The following GRM1 variants were observed in gnomAD, a reference collection of about 807,000 sequenced individuals.
The protein encoded by GRM1 is glutamate metabotropic receptor 1.
In GRM1, 33 loss-of-function variants were observed where a neutral mutation model predicts 90.9. The ratio of observed to expected loss-of-function variants is 0.36; its 90% CI spans 0.28 to 0.49. The LOEUF (loss-of-function observed/expected upper bound fraction) is 0.49, where lower values mean the gene tolerates loss of function less well. Ranked by LOEUF, GRM1 falls within the 20% of genes least tolerant of loss-of-function variation. The probability of loss-of-function intolerance (pLI) is 0.99; values close to 1 mark genes in which losing one functional copy is unlikely to be tolerated. For missense variants in GRM1, 1,190 were observed against 1,534.3 expected, an observed-to-expected ratio of 0.78 and a Z score of 3.75; for synonymous variants, 700 against 613.2, an observed-to-expected ratio of 1.14 and a Z score of -2.09.
chr6:146,378,698 G>A (rs1265376691), intron 5 of GRM1, among the ~76,000 whole-genome samples: 1 of 152,128 alleles, frequency 6.6e-6, no homozygotes, highest in Non-Finnish European at 1.5e-5. Flanking sequence ...TGTCTCAGAT[G>A]AGACTTTGGA....
chr6:146,400,598 A>T (rs1777123608), intron 7 of GRM1, among the ~76,000 whole-genome samples: 1 of 152,138 alleles, frequency 6.6e-6, no homozygotes, highest in African/African-American at 2.4e-5. Flanking sequence ...AGCATATGTT[A>T]AATTTGCATA....
intron 7 of GRM1, among the ~76,000 whole-genome samples, chr6:146,401,564 A>G (rs1447769729): frequency 6.6e-6 from 1 of 152,200 alleles, no homozygotes; most frequent in Non-Finnish European, 1.5e-5. Context: ...GGATTAAAAG[A>G]TTCACTTTAT....
At chr6:146,433,558 G>GTA (rs1235464384) in intron 7 of GRM1, among the ~76,000 whole-genome samples, 6 of 148,180 alleles carry the variant, frequency 4.0e-5, no homozygotes, top group African/African-American at 1.3e-4. Context: ...GTGTGTGTGT[G>GTA]TCAGAGAGAG....
intron 2 of GRM1, among the ~76,000 whole-genome samples, chr6:146,169,338 A>G (rs528156170): frequency 6.6e-6 from 1 of 152,250 alleles, no homozygotes; most frequent in East Asian, 1.9e-4. Context: ...ATAAAAACAT[A>G]TTTAGAGTAG....
intron 2 of GRM1, among the ~76,000 whole-genome samples, chr6:146,242,121 T>C (rs1780886584): frequency 6.6e-6 from 1 of 152,072 alleles, no homozygotes; most frequent in African/African-American, 2.4e-5. Flanking sequence ...AGGAGCACAG[T>C]GACAGTATCA....
At chr6:146,057,543 A>G (rs778047095) in intron 1 of GRM1, among the ~76,000 whole-genome samples, 13 of 152,154 alleles carry the variant, frequency 8.5e-5, no homozygotes, top group Non-Finnish European at 1.9e-4. Context: ...TTGCAAAAAC[A>G]TAGAGCACTG....
chr6:146,213,926 AG>A (rs1355201560), intron 2 of GRM1, among the ~76,000 whole-genome samples: 2 of 152,076 alleles, frequency 1.3e-5, no homozygotes, highest in East Asian at 1.9e-4. Context: ...CTAAGAACCT[AG>A]GGGGCCATTG....
At chr6:146,241,416 G>T (rs552888632) in intron 2 of GRM1, among the ~76,000 whole-genome samples, 53 of 152,180 alleles carry the variant, frequency 3.5e-4, no homozygotes, top group African/African-American at 1.2e-3. Context: ...TTTCTTAAAA[G>T]GGAATAATAT....
chr6:146,145,358 C>A (rs1378247648), intron 1 of GRM1, among the ~76,000 whole-genome samples: 1 of 152,164 alleles, frequency 6.6e-6, no homozygotes, highest in African/African-American at 2.4e-5. Context: ...GCTGTCCCCC[C>A]ATCACAGCCC....
rs79932053 is a variant in GRM1, at chr6:146,079,689, T to G, written c.700+49472T>G. On this transcript the variant is annotated intron_variant, in intron 1 of 7. Transcript: ENST00000282753. ...TACTCCAAGGTATTGAAATGTCTTT[T>G]TCTTCCTAAGCAGTCAATGAAAGAG... 1.8e-3 allele frequency among the ~76,000 whole-genome samples: 271 copies of G among 152,304 alleles called. 2 individuals carry two copies. Among genetic ancestry groups the G allele is most frequent in the African/African-American group, 6.3e-3 (263 of 41,566 alleles).
intron 2 of GRM1, among the ~76,000 whole-genome samples, chr6:146,290,030 G>C (rs1782917320): frequency 1.3e-5 from 2 of 152,156 alleles, no homozygotes. Flanking sequence ...AATGGATTTG[G>C]GAAATGCTCA....
chr6:146,106,365 G>A (rs1775298338), intron 1 of GRM1, among the ~76,000 whole-genome samples: 1 of 152,178 alleles, frequency 6.6e-6, no homozygotes, highest in African/African-American at 2.4e-5. Context: ...TGGATGGCAA[G>A]TGCTTCTGCT....
intron 1 of GRM1, among the ~76,000 whole-genome samples, chr6:146,130,992 G>A (rs1457102877): frequency 6.6e-6 from 1 of 152,104 alleles, no homozygotes; most frequent in African/African-American, 2.4e-5. Flanking sequence ...CCTAACAATA[G>A]TAAACTGGGA....
chr6:146,108,718 C>G (rs1322688287), intron 1 of GRM1, among the ~76,000 whole-genome samples: 4 of 152,106 alleles, frequency 2.6e-5, no homozygotes, highest in Admixed American at 1.3e-4. Context: ...TTGGAGGTCT[C>G]AGAAGAAGAC....
At chr6:146,107,519 T>C (rs986766949) in intron 1 of GRM1, among the ~76,000 whole-genome samples, 2 of 152,174 alleles carry the variant, frequency 1.3e-5, no homozygotes, top group Non-Finnish European at 2.9e-5. Flanking sequence ...CTGTTCTTAC[T>C]GGAGACTTCA....
At chr6:146,274,095 T>G (rs1351317892) in intron 2 of GRM1, among the ~76,000 whole-genome samples, 1 of 152,244 alleles carries the variant, frequency 6.6e-6, no homozygotes, top group Non-Finnish European at 1.5e-5. Context: ...TAAGAATGTA[T>G]CTTTGGATTT....
intron 1 of GRM1, among the ~76,000 whole-genome samples, chr6:146,057,593 A>G (rs932662585): frequency 2.0e-5 from 3 of 152,138 alleles, no homozygotes; most frequent in Admixed American, 6.6e-5. Context: ...CTCTTAACTC[A>G]TTCAAACATA....
At chr6:146,261,247 A>G (rs1339158001) in intron 2 of GRM1, among the ~76,000 whole-genome samples, 1 of 152,118 alleles carries the variant, frequency 6.6e-6, no homozygotes, top group Non-Finnish European at 1.5e-5. Flanking sequence ...ATCTGTCTGG[A>G]GTTGATGAGC....
chr6:146,120,576 G>C (rs2128877024), intron 1 of GRM1, among the ~76,000 whole-genome samples: 1 of 152,262 alleles, frequency 6.6e-6, no homozygotes, highest in East Asian at 1.9e-4. Context: ...CTGTGGGTTT[G>C]TCATAAATAG....
Sources: gnomAD v4.1 joint callset for allele counts (sites outside exome capture counted in the v4.1 genomes callset) on GRCh38, gnomAD v4.1.1 for gene constraint, MANE v1.5 for transcripts, NCBI Gene and HGNC (gene_info 2026-07-23, HGNC 2026-07-21) for gene names.